NBEA: variants seen among roughly 807,000 people sequenced by gnomAD.
NBEA encodes the protein neurobeachin.
In NBEA, 44 loss-of-function variants were observed where a neutral mutation model predicts 343.4. The ratio of observed to expected loss-of-function variants is 0.13; its 90% CI spans 0.10 to 0.16. NBEA has a LOEUF of 0.16. NBEA is among the 10% of genes least tolerant of loss of function. NBEA has a pLI of 1.00. For synonymous variants in NBEA, 1,175 were observed against 1,238.7 expected, an observed-to-expected ratio of 0.95 and a Z score of 1.08; for missense variants, 2,555 against 3,631.3, an observed-to-expected ratio of 0.70 and a Z score of 7.62.
At chr13:35,498,331 A>G (rs1441962093) in intron 41 of NBEA, among the ~76,000 whole-genome samples, 1 of 152,036 alleles carries the variant, frequency 6.6e-6, no homozygotes, top group Admixed American at 6.6e-5. Flanking sequence ...TTACTGTTCA[A>G]TTTATTCCTC....
At chr13:35,505,435 A>T (rs996241514) in intron 41 of NBEA, among the ~76,000 whole-genome samples, 2 of 152,210 alleles carry the variant, frequency 1.3e-5, no homozygotes, top group Non-Finnish European at 2.9e-5. Flanking sequence ...GGAAGTAAGA[A>T]TTCTGAACTG....
In NBEA at chr13:35,107,102, A is replaced by G. The variant is rs188209041; in HGVS notation, c.1681-2188A>G. ...AAAAATAGAATGTATAAGATAAGCT[A>G]TGTGAAATTATAATTAGTGAAGGAG... is the stretch of plus-strand genomic sequence containing the variant. On this transcript the variant is annotated intron_variant, in intron 11 of 58. Coordinates refer to ENST00000379939, the MANE Select transcript of NBEA (RefSeq NM_001385012.1). Among the ~76,000 whole-genome samples, 913 of 152,088 alleles carry G rather than the reference A, an allele frequency of 6.0e-3. 4 individuals are homozygous for G. Among genetic ancestry groups the G allele is most frequent in the Non-Finnish European group, 0.01 (684 of 67,902 alleles).
intron 36 of NBEA, among the ~76,000 whole-genome samples, chr13:35,329,545 G>A (rs2038794427): frequency 6.6e-6 from 1 of 151,934 alleles, no homozygotes; most frequent in Non-Finnish European, 1.5e-5. Flanking sequence ...ACAATAACAT[G>A]TATGGAACTT....
chr13:35,203,771 T>C (rs1162917250), intron 31 of NBEA, among the ~76,000 whole-genome samples: 2 of 152,208 alleles, frequency 1.3e-5, no homozygotes, highest in Non-Finnish European at 2.9e-5. Flanking sequence ...AAATATTTTA[T>C]CAAGTGAATT....
chr13:35,160,072 G>A, intron 22 of NBEA, 40 bp downstream of exon 22: 2 of 1,463,968 alleles, frequency 1.4e-6, no homozygotes, highest in Non-Finnish European at 1.8e-6. Flanking sequence ...AAATAAAAAT[G>A]CATTGAAGAG....
At position 35,196,000 on chromosome 13, in the gene NBEA, G is replaced by A. The variant is rs1484456694; in HGVS notation, c.5064G>A (p.Gly1688=). The change falls in exon 31 of 59, where the codon GGG becomes GGA. Residue 1688 remains glycine (G), a synonymous_variant. Transcript: ENST00000379939. ...AGCAAGTGGCTAGCATCCTGAATGG[G>A]GCAGAATTAGAAACAAGTACAGGCC... is the stretch of plus-strand genomic sequence containing the variant. ...GEEQVASILN[G]AELETSTGPD... The A allele has an allele frequency of 6.2e-7, 1 of 1,613,432 alleles. No individual in the cohort carries two copies.
chr13:35,017,447 T>A (rs983053922), intron 1 of NBEA, among the ~76,000 whole-genome samples: 1 of 152,172 alleles, frequency 6.6e-6, no homozygotes, highest in Non-Finnish European at 1.5e-5. Flanking sequence ...GTGTGAAAGG[T>A]CCAGTTGTTT....
intron 1 of NBEA, among the ~76,000 whole-genome samples, chr13:34,946,342 A>G (rs1251530305): frequency 6.6e-6 from 1 of 152,166 alleles, no homozygotes; most frequent in Non-Finnish European, 1.5e-5. Flanking sequence ...CACACTTAAC[A>G]TATGTTTATA....
intron 36 of NBEA, among the ~76,000 whole-genome samples, chr13:35,315,178 A>G (rs1346176893): frequency 1.3e-5 from 2 of 152,194 alleles, no homozygotes; most frequent in Admixed American, 1.3e-4. Flanking sequence ...ATGGGAATGA[A>G]GATAAAAATC....
intron 38 of NBEA, among the ~76,000 whole-genome samples, chr13:35,417,156 T>C (rs2043964882): frequency 6.6e-6 from 1 of 152,192 alleles, no homozygotes; most frequent in Admixed American, 6.5e-5. Flanking sequence ...GCTAGCAGTC[T>C]ATCAATTTTG....
chr13:35,120,616 C>G (rs1453040320), intron 16 of NBEA, among the ~76,000 whole-genome samples: 2 of 152,114 alleles, frequency 1.3e-5, no homozygotes, highest in Non-Finnish European at 2.9e-5. Flanking sequence ...TTCAGTATAA[C>G]AGTTGAACAA....
chr13:35,437,934 G>A (rs75219182), intron 39 of NBEA, among the ~76,000 whole-genome samples: 5 of 152,226 alleles, frequency 3.3e-5, no homozygotes, highest in African/African-American at 1.2e-4. Context: ...TCTTAAGTTT[G>A]ATTGTCTTTG....
intron 48 of NBEA, among the ~76,000 whole-genome samples, chr13:35,621,183 A>G (rs2082974130): frequency 6.6e-6 from 1 of 152,146 alleles, no homozygotes; most frequent in South Asian, 2.1e-4. Context: ...ATATTAGACT[A>G]TATTCACCTT....
intron 8 of NBEA, among the ~76,000 whole-genome samples, chr13:35,060,064 T>C (rs781029231): frequency 6.6e-6 from 1 of 151,886 alleles, no homozygotes; most frequent in Non-Finnish European, 1.5e-5. Flanking sequence ...TCACATTTTG[T>C]ATTAATATGC....
At chr13:35,571,553 G>C (rs1337388769) in intron 45 of NBEA, among the ~76,000 whole-genome samples, 1 of 152,182 alleles carries the variant, frequency 6.6e-6, no homozygotes, top group Non-Finnish European at 1.5e-5. Flanking sequence ...CCGTAAAGTA[G>C]TTAAGGCACC....
chr13:35,162,976 T>A (rs2069686192), intron 23 of NBEA, among the ~76,000 whole-genome samples: 1 of 152,166 alleles, frequency 6.6e-6, no homozygotes. Context: ...TATGATAAAT[T>A]ACCTAGAGAT....
At chr13:35,418,503 G>C (rs1217818272) in intron 38 of NBEA, among the ~76,000 whole-genome samples, 3 of 151,932 alleles carry the variant, frequency 2.0e-5, no homozygotes, top group African/African-American at 7.3e-5. Context: ...GCATGATGTT[G>C]TTTTACCACA....
chr13:35,307,324 A>C (rs2036960829), intron 35 of NBEA, among the ~76,000 whole-genome samples: 1 of 152,004 alleles, frequency 6.6e-6, no homozygotes, highest in African/African-American at 2.4e-5. Flanking sequence ...TAAAACACTG[A>C]TTTATTGAAT....
At chr13:35,296,110 G>A (rs2152821859) in intron 35 of NBEA, among the ~76,000 whole-genome samples, 1 of 152,244 alleles carries the variant, frequency 6.6e-6, no homozygotes, top group Non-Finnish European at 1.5e-5. Context: ...TATAAACTAA[G>A]CCTGATCGCG....
Sources: allele counts gnomAD v4.1 joint callset (sites outside exome capture counted in the v4.1 genomes callset), GRCh38; gene constraint gnomAD v4.1.1; transcripts MANE v1.5; gene names NCBI Gene and HGNC (gene_info 2026-07-23, HGNC 2026-07-21).